Variants in FBXO31 observed in about 807,000 individuals in gnomAD.
FBXO31 encodes the protein F-box protein 31.
A neutral mutation model predicts 54.4 loss-of-function variants in FBXO31; 24 were observed. The observed-to-expected ratio is 0.44, with a 90% CI of 0.32 to 0.62. The LOEUF (loss-of-function observed/expected upper bound fraction) is 0.62. FBXO31 is among the 20% of genes least tolerant of loss of function. FBXO31 has a pLI of 0.05. For missense variants in FBXO31, 665 were observed against 787.1 expected (o/e 0.84, Z 1.86); for synonymous variants, 388 against 335.6 (o/e 1.16, Z -1.71).
At chr16:87,334,365 A>C in intron 7 of FBXO31, 79 bp from the exon 8 acceptor site, 1 of 1,357,860 alleles carries the variant, frequency 7.4e-7, no homozygotes, top group Non-Finnish European at 1.0e-6. Flanking sequence ...GCCCAGATCC[A>C]CCTCTGGCTG....
rs59772695 is a variant in FBXO31 at position 87,349,393 on chromosome 16, G to C, written c.413-2143C>G. Among the ~76,000 whole-genome samples the C allele has an allele frequency of 2.9e-4, 44 of 152,334 alleles. 1 individual carries two copies. Among genetic ancestry groups the C allele is most frequent in the African/African-American group, 3.1e-4 (13 of 41,588 alleles). Reference sequence around the variant, plus strand: ...GGATTGTGGAACACGTTGGGGCAGAGAACAAAATGTCATGGGCCTGCAGAT... The same window carrying C: ...GGATTGTGGAACACGTTGGGGCAGACAACAAAATGTCATGGGCCTGCAGAT... On this transcript the variant is annotated intron_variant, in intron 2 of 8. Coordinates refer to ENST00000311635, the MANE Select transcript of FBXO31 (RefSeq NM_024735.5).
rs1047477075 is a variant in FBXO31, at chr16:87,346,037, G to C, written c.489+1137C>G. ...CAGAGTGGCTGCTGAGAGGAGAAGG[G>C]GCCAAGCGAAGCGTGACTCACAAAG... is the stretch of plus-strand genomic sequence containing the variant. On this transcript the variant is annotated intron_variant, in intron 3 of 8. Coordinates refer to ENST00000311635, the MANE Select transcript of FBXO31 (RefSeq NM_024735.5). This position sits in a 1 kb window ranked among gnomAD's most constrained non-coding sequence, Gnocchi z 4.2. Among the ~76,000 whole-genome samples the C allele has an allele frequency of 1.3e-5, 2 of 152,140 alleles. No homozygotes were observed.
rs146548983 is a variant in FBXO31, at chr16:87,350,722, TAAAA to T, written c.413-3476_413-3473del. ...AAATTTCATCATGAAATACTGGGGT[TAAAA>T]AAAAAACACTATTCAGCATTGCACT... is the stretch of plus-strand genomic sequence containing the variant. On this transcript the variant is annotated intron_variant, in intron 2 of 8. Transcript: ENST00000311635. Among the ~76,000 whole-genome samples, 1,316 of 149,116 alleles carry T rather than the reference TAAAA, an allele frequency of 8.8e-3. 20 individuals are homozygous for T. The highest frequency in any genetic ancestry group is 0.031 in the African/African-American group (1,267 of 40,532).
At chr16:87,384,602 C>T (rs1341938167), upstream of FBXO31, among the ~76,000 whole-genome samples, 4 of 152,242 alleles carry the variant, frequency 2.6e-5, no homozygotes, top group African/African-American at 9.6e-5. Flanking sequence ...GCGAAGGCGT[C>T]CTCTCACCTG....
At chr16:87,344,828 C>T (rs1905310273) in intron 3 of FBXO31, among the ~76,000 whole-genome samples, 3 of 152,266 alleles carry the variant, frequency 2.0e-5, no homozygotes, top group South Asian at 4.2e-4. Context: ...TTCTCCACAG[C>T]GGCTCCCAGC....
Position 87,329,937 on chromosome 16 carries a change from T to A in FBXO31, c.*1351A>T, listed in dbSNP as rs1904789262. 1 of 152,268 alleles carries A rather than the reference T, an allele frequency of 6.6e-6. No individual in the cohort carries two copies. Among genetic ancestry groups the A allele is most frequent in the Non-Finnish European group, 1.5e-5 (1 of 68,090 alleles). 9.4% of individuals were successfully genotyped at this position (152,268 alleles called of 1,614,324 possible). On this transcript the variant is annotated 3_prime_UTR_variant, in exon 9 of 9. Coordinates refer to ENST00000311635, the MANE Select transcript of FBXO31 (RefSeq NM_024735.5). ...ATTTCCCAGGACATCCTCAGGTTGG[T>A]CTCCACACCAAGGCACACAGACTGT... is the stretch of plus-strand genomic sequence containing the variant.
chr16:87,391,804 G>C (rs1300118705), upstream of FBXO31: 1 of 152,288 alleles, frequency 6.6e-6, no homozygotes, highest in Non-Finnish European at 1.5e-5. Flanking sequence ...GGCTCCACGG[G>C]CGAGCGGCGA....
intron 2 of FBXO31, among the ~76,000 whole-genome samples, chr16:87,350,621 G>A (rs1042893472): frequency 2.0e-5 from 3 of 152,214 alleles, no homozygotes; most frequent in Non-Finnish European, 2.9e-5. Context: ...GATGGCTGCA[G>A]GGATGGACTG....
upstream of FBXO31, among the ~76,000 whole-genome samples, chr16:87,388,082 G>GA (rs1907387323): frequency 1.3e-5 from 2 of 152,134 alleles, no homozygotes; most frequent in Non-Finnish European, 2.9e-5. Context: ...TAAACAAACA[G>GA]GCAAACAAAA....
intron 5 of FBXO31, among the ~76,000 whole-genome samples, 189 bp downstream of exon 5, chr16:87,342,688 G>A (rs555269544): frequency 1.4e-3 from 208 of 152,316 alleles, no homozygotes; most frequent in African/African-American, 2.7e-3. Flanking sequence ...CAACCTGCCC[G>A]CCCGCACGAT....
upstream of FBXO31, chr16:87,383,932 C>T (rs778575341): frequency 1.7e-5 from 5 of 291,204 alleles, no homozygotes; most frequent in Non-Finnish European, 2.4e-5. The surrounding 1 kb of genome is among the most constrained non-coding windows in gnomAD (Gnocchi z 4.9). Flanking sequence ...TCAGAGACCC[C>T]GCACTGCTGC....
intron 1 of FBXO31, among the ~76,000 whole-genome samples, chr16:87,375,111 G>C (rs35646323): frequency 0.062 from 9,461 of 152,192 alleles, 482 homozygotes; most frequent in East Asian, 0.26. Context: ...AAGGTTAGGA[G>C]ATCAAGAACA....
intron 1 of FBXO31, among the ~76,000 whole-genome samples, chr16:87,375,811 C>G (rs978423708): frequency 6.6e-6 from 1 of 152,158 alleles, no homozygotes; most frequent in Non-Finnish European, 1.5e-5. Context: ...GCCCCAACAT[C>G]AGAAGTACAG....
In FBXO31 at chr16:87,345,189, C is replaced by A. The variant is rs1905331225; in HGVS notation, c.490-1424G>T. Among the ~76,000 whole-genome samples, 1 of 152,194 alleles carries A rather than the reference C, an allele frequency of 6.6e-6. No homozygotes were observed. The highest frequency in any genetic ancestry group is 2.4e-5 in the African/African-American group (1 of 41,432). ...AAGGGAGCGGAGCACAATCCCAACA[C>A]CAGCACCGGATTTTCAACACAGCAA... On this transcript the variant is annotated intron_variant, in intron 3 of 8. Coordinates refer to ENST00000311635, the MANE Select transcript of FBXO31 (RefSeq NM_024735.5). This position sits in a 1 kb window ranked among gnomAD's most constrained non-coding sequence, Gnocchi z 4.9.
intron 1 of FBXO31, among the ~76,000 whole-genome samples, chr16:87,374,909 G>C (rs368524600): frequency 6.6e-6 from 1 of 152,232 alleles, no homozygotes; most frequent in African/African-American, 2.4e-5. Flanking sequence ...CCGACTGGGC[G>C]TAATGGCTCA....
chr16:87,383,329 G>T lies in FBXO31; in HGVS notation c.340+76C>A, dbSNP rs1219406179. 1 of 1,173,514 alleles carries T rather than the reference G, an allele frequency of 8.5e-7. No homozygotes were observed. The highest frequency in any genetic ancestry group is 1.1e-6 in the Non-Finnish European group (1 of 886,314). The allele number at this position is 1,173,514 out of a possible 1,614,324, so 72.7% of individuals were successfully genotyped here. A position where few individuals can be genotyped will look rare whatever the true frequency, so the allele number is the denominator to read the frequency against. ...GCCCCCGGCCGGGGCCACCGCCCCC[G>T]CCACTCCCAGCTCCGAGGCCTCCAC... On this transcript the variant is annotated intron_variant, in intron 1 of 8. Coordinates refer to ENST00000311635, the MANE Select transcript of FBXO31 (RefSeq NM_024735.5). The surrounding 1 kb of genome is among the most constrained non-coding windows in gnomAD (Gnocchi z 4.9).
chr16:87,371,655 C>T (rs1906608505), intron 1 of FBXO31, among the ~76,000 whole-genome samples: 1 of 152,232 alleles, frequency 6.6e-6, no homozygotes, highest in African/African-American at 2.4e-5. Context: ...ACACTCGTTC[C>T]CCTGCAAGAT....
At chr16:87,392,089 G>C (rs1444157076), upstream of FBXO31, 19 of 244,326 alleles carry the variant, frequency 7.8e-5, no homozygotes, top group Non-Finnish European at 1.4e-4. Flanking sequence ...TCACCTCAGG[G>C]GCCTCAGGCG....
chr16:87,381,731 A>T (rs1030671558), intron 1 of FBXO31, among the ~76,000 whole-genome samples: 40 of 152,306 alleles, frequency 2.6e-4, no homozygotes, highest in African/African-American at 9.6e-4. Context: ...CACTTGAGGA[A>T]CTGCACCCTA....
Sources: allele counts gnomAD v4.1 joint callset (sites outside exome capture counted in the v4.1 genomes callset), GRCh38; gene constraint gnomAD v4.1.1; non-coding constraint Gnocchi (gnomAD v3.1); transcripts MANE v1.5; gene names NCBI Gene and HGNC (gene_info 2026-07-23, HGNC 2026-07-21).